The following ANKRD44 variants were observed in gnomAD, a reference collection of about 807,000 sequenced individuals.
ANKRD44 encodes the protein serine/threonine-protein phosphatase 6 regulatory ankyrin repeat subunit B.
ANKRD44 carries 35 observed loss-of-function variants against 116.0 expected under a neutral mutation model. That is an observed-to-expected ratio of 0.30 (90% CI 0.23 to 0.40). The LOEUF (loss-of-function observed/expected upper bound fraction) is 0.40, where lower values mean the gene tolerates loss of function less well. Ranked by LOEUF, ANKRD44 falls within the 10% of genes least tolerant of loss-of-function variation. The pLI is 1.00. For synonymous variants in ANKRD44, 435 were observed against 461.8 expected (o/e 0.94, Z 0.74); for missense variants, 1,014 against 1,242.6 (o/e 0.82, Z 2.77).
chr2:197,186,612 C>CTTTTTTTTTTT lies in ANKRD44; in HGVS notation c.111+400_111+410dup, dbSNP rs149107038. On this transcript the variant is annotated intron_variant, in intron 2 of 27. Coordinates refer to ENST00000282272, the MANE Select transcript of ANKRD44 (RefSeq NM_001195144.2). ...CCATCACTATGCCCGGCTAATTTTT[C>CTTTTTTTTTTT]TTTTTTTTTTTTTTTTTTTTTTTTT... Among the ~76,000 whole-genome samples the CTTTTTTTTTTT allele has an allele frequency of 1.9e-3, 98 of 50,800 alleles. 19 individuals carry two copies. Among genetic ancestry groups the CTTTTTTTTTTT allele is most frequent in the Middle Eastern group, 0.043 (2 of 46 alleles). The allele number at this position is 50,800 out of a possible 152,430, so 33.3% of individuals were successfully genotyped here.
chr2:196,972,439 T>C (rs1157815642), intron 21 of ANKRD44, among the ~76,000 whole-genome samples: 1 of 152,198 alleles, frequency 6.6e-6, no homozygotes, highest in African/African-American at 2.4e-5. Context: ...TGGCCTCATG[T>C]GACCCACCCA....
intron 8 of ANKRD44, among the ~76,000 whole-genome samples, chr2:197,118,073 C>CGGG (rs2078754952): frequency 6.6e-6 from 1 of 151,392 alleles, no homozygotes; most frequent in South Asian, 2.1e-4. Flanking sequence ...ATTAGCAGGG[C>CGGG]GTGGTGGCGT....
intron 16 of ANKRD44, among the ~76,000 whole-genome samples, chr2:197,033,551 T>C (rs2076748102): frequency 6.6e-6 from 1 of 152,138 alleles, no homozygotes; most frequent in Non-Finnish European, 1.5e-5. Flanking sequence ...CTAAAACCCA[T>C]GTTCTTTACA....
At chr2:197,055,150 C>A (rs2077180047) in intron 16 of ANKRD44, among the ~76,000 whole-genome samples, 1 of 152,210 alleles carries the variant, frequency 6.6e-6, no homozygotes, top group South Asian at 2.1e-4. Flanking sequence ...GGAACACTAA[C>A]ACACACATTG....
At position 197,076,953 on chromosome 2, in the gene ANKRD44, C is replaced by T. The variant is rs555529636; in HGVS notation, c.1650+1750G>A. Among the ~76,000 whole-genome samples the T allele has an allele frequency of 2.6e-5, 4 of 152,262 alleles. No homozygotes were observed. In the East Asian group the frequency reaches 5.8e-4, roughly 22 times the overall value. On this transcript the variant is annotated intron_variant, in intron 16 of 27. Coordinates refer to ENST00000282272, the MANE Select transcript of ANKRD44 (RefSeq NM_001195144.2). The stretch of plus-strand genomic sequence containing the variant: ...CATGTCTTTGCTATTGTAAATAACG[C>T]TGCAATGAACATACATATGCATGTA...
Position 196,995,467 on chromosome 2 carries a change from A to G in ANKRD44, c.2749-6T>C, listed in dbSNP as rs1211887538. 2 of 1,584,376 alleles carry G rather than the reference A, an allele frequency of 1.3e-6. No homozygotes were observed. Among genetic ancestry groups the G allele is most frequent in the Admixed American group, 1.7e-5 (1 of 57,180 alleles). ...AAGGCACATTTTTCATGACCCTAATAAAGAAAAAGAATGATAAGAAATGCA... is the reference window on the plus strand; with the variant it reads ...AAGGCACATTTTTCATGACCCTAATGAAGAAAAAGAATGATAAGAAATGCA... On this transcript the variant is annotated splice_region_variant and splice_polypyrimidine_tract_variant and intron_variant, in intron 25 of 27. Coordinates refer to ENST00000282272, the MANE Select transcript of ANKRD44 (RefSeq NM_001195144.2).
chr2:197,267,973 A>G (rs2082785729), intron 1 of ANKRD44, among the ~76,000 whole-genome samples: 2 of 152,242 alleles, frequency 1.3e-5, no homozygotes, highest in Non-Finnish European at 2.9e-5. Flanking sequence ...ACAGAGTTTC[A>G]GGGTCAGGCT....
chr2:197,005,797 G>A lies in ANKRD44; in HGVS notation c.2244C>T (p.His748=), dbSNP rs373785728. Residue 748 remains histidine (H), a synonymous_variant, in exon 21 of 28, where the codon CAC becomes CAT. Transcript: ENST00000282272. ...TPLHYAAARG[H]ATWLSELLQM... ...GGAGCAGCTCGCTCAGCCACGTGGCGTGGCCACGAGCAGCTGCATAGTGCA... is the reference window on the plus strand; with the variant it reads ...GGAGCAGCTCGCTCAGCCACGTGGCATGGCCACGAGCAGCTGCATAGTGCA... The A allele has an allele frequency of 5.1e-5, 82 of 1,614,144 alleles. 1 individual carries two copies. The highest frequency in any genetic ancestry group is 3.3e-4 in the Middle Eastern group (2 of 6,084).
At chr2:197,005,999 G>A (rs1266589081) in intron 20 of ANKRD44, 89 bp from the exon 21 acceptor site, 96 of 1,202,020 alleles carry the variant, frequency 8.0e-5, no homozygotes, top group Non-Finnish European at 1.1e-4. Context: ...CTTAGAGCAA[G>A]TGGACATATG....
At chr2:197,240,832 CA>C (rs911656228) in intron 1 of ANKRD44, among the ~76,000 whole-genome samples, 1 of 149,514 alleles carries the variant, frequency 6.7e-6, no homozygotes, top group African/African-American at 2.5e-5. Context: ...CCCACACCCC[CA>C]ACACCCTCTC....
intron 1 of ANKRD44, among the ~76,000 whole-genome samples, chr2:197,255,484 T>C (rs576149888): frequency 7.2e-5 from 11 of 152,348 alleles, no homozygotes; most frequent in Non-Finnish European, 1.3e-4. Flanking sequence ...TGCAAGCTCC[T>C]ATTTGGATAT....
At chr2:197,109,223 C>T (rs1420831922) in intron 9 of ANKRD44, among the ~76,000 whole-genome samples, 1 of 152,166 alleles carries the variant, frequency 6.6e-6, no homozygotes, top group Non-Finnish European at 1.5e-5. Context: ...TTCTGAAAAA[C>T]AGTTGAGAAA....
chr2:196,977,815 TTTCCACTCCTAGATATATACACAA>T (rs1426715126), intron 21 of ANKRD44, among the ~76,000 whole-genome samples: 5 of 152,272 alleles, frequency 3.3e-5, no homozygotes, highest in African/African-American at 1.2e-4. Flanking sequence ...AGAGTTACCA[TTTCCACTCCTAGATATATACACAA>T]TTCCACTCCT....
At chr2:197,300,372 T>C (rs1200836461) in intron 1 of ANKRD44, among the ~76,000 whole-genome samples, 1 of 152,226 alleles carries the variant, frequency 6.6e-6, no homozygotes, top group African/African-American at 2.4e-5. Context: ...ATCTGCTGCC[T>C]GAATCATTCC....
At chr2:197,205,940 G>C (rs999250979) in intron 1 of ANKRD44, among the ~76,000 whole-genome samples, 1 of 152,182 alleles carries the variant, frequency 6.6e-6, no homozygotes, top group African/African-American at 2.4e-5. Context: ...CTAGTTCAGA[G>C]GCTGGAGTGT....
chr2:197,101,089 T>C (rs1411611477), intron 9 of ANKRD44, among the ~76,000 whole-genome samples: 1 of 152,368 alleles, frequency 6.6e-6, no homozygotes, highest in South Asian at 2.1e-4. Flanking sequence ...TATTAGTGCA[T>C]ATTCCAATTT....
chr2:197,098,364 T>C (rs1002585869), intron 10 of ANKRD44, among the ~76,000 whole-genome samples: 15 of 152,224 alleles, frequency 9.9e-5, no homozygotes, highest in African/African-American at 3.6e-4. Flanking sequence ...CCTCTGTGAA[T>C]CTGATTTCAT....
At chr2:197,022,721 A>G (rs939510943) in intron 17 of ANKRD44, among the ~76,000 whole-genome samples, 5 of 152,048 alleles carry the variant, frequency 3.3e-5, no homozygotes, top group Non-Finnish European at 7.3e-5. Context: ...CACCCTGGCC[A>G]GGTGCAGCAG....
intron 16 of ANKRD44, chr2:197,029,368 C>A: frequency 3.7e-6 from 1 of 269,754 alleles, no homozygotes. Context: ...TGGGACTCTG[C>A]AATGAATCTG....
Sources: allele counts gnomAD v4.1 joint callset (sites outside exome capture counted in the v4.1 genomes callset), GRCh38; gene constraint gnomAD v4.1.1; transcripts MANE v1.5; gene names NCBI Gene and HGNC (gene_info 2026-07-23, HGNC 2026-07-21).